The following NDUFA10 variants were observed in gnomAD, a reference collection of about 807,000 sequenced individuals.
NDUFA10 encodes NADH:ubiquinone oxidoreductase subunit A10, also known as NADH dehydrogenase [ubiquinone] 1 alpha subcomplex subunit 10, mitochondrial.
NDUFA10 carries 40 observed loss-of-function variants against 47.8 expected under a neutral mutation model. That is an observed-to-expected ratio of 0.84 (90% CI 0.65 to 1.09). The LOEUF (loss-of-function observed/expected upper bound fraction) is 1.09. NDUFA10 is among the 50% of genes least tolerant of loss of function. The pLI is 0.00. For missense variants in NDUFA10, 413 were observed against 451.1 expected, an observed-to-expected ratio of 0.92 and a Z score of 0.76; for synonymous variants, 183 against 172.2, an observed-to-expected ratio of 1.06 and a Z score of -0.49.
At chr2:239,955,122 T>C (rs865846141), downstream of NDUFA10, among the ~76,000 whole-genome samples, 3 of 152,256 alleles carry the variant, frequency 2.0e-5, no homozygotes, top group African/African-American at 4.8e-5. Context: ...AGGAGTTTAT[T>C]ATATTTATCC....
chr2:239,938,266 C>G (rs1331342741), intron 4 of NDUFA10, among the ~76,000 whole-genome samples: 1 of 152,216 alleles, frequency 6.6e-6, no homozygotes, highest in African/African-American at 2.4e-5. Flanking sequence ...GTGGCAATGG[C>G]AGTGCTCTGC....
chr2:239,927,408 T>C (rs1694082953), intron 4 of NDUFA10, among the ~76,000 whole-genome samples: 1 of 152,098 alleles, frequency 6.6e-6, no homozygotes, highest in Admixed American at 6.5e-5. Context: ...TAACGATAAA[T>C]TGAGTTTAGC....
intron 9 of NDUFA10, among the ~76,000 whole-genome samples, chr2:239,961,689 T>A (rs189547331): frequency 6.6e-6 from 1 of 152,022 alleles, no homozygotes; most frequent in Non-Finnish European, 1.5e-5. Context: ...AGTAGGAAAG[T>A]GAGTTTCATC....
chr2:239,944,752 G>C (rs540499730), intron 4 of NDUFA10, among the ~76,000 whole-genome samples: 4 of 152,274 alleles, frequency 2.6e-5, no homozygotes, highest in African/African-American at 7.2e-5. Context: ...TCGCTCGTTA[G>C]CCAGGGTTTC....
chr2:240,005,714 C>T (rs994139117), intron 7 of NDUFA10, among the ~76,000 whole-genome samples: 7 of 135,674 alleles, frequency 5.2e-5, no homozygotes, highest in African/African-American at 1.5e-4. Context: ...AGAATCACAC[C>T]GTAACAGTCA....
At chr2:240,011,591 G>T in intron 6 of NDUFA10, 26 bp downstream of exon 6, 1 of 1,582,856 alleles carries the variant, frequency 6.3e-7, no homozygotes, top group Non-Finnish European at 8.7e-7. Context: ...TTTTAGCCCT[G>T]TAAATCAGTC....
At chr2:239,925,374 A>G (rs1443614457) in intron 4 of NDUFA10, among the ~76,000 whole-genome samples, 2 of 152,210 alleles carry the variant, frequency 1.3e-5, no homozygotes, top group South Asian at 2.1e-4. Context: ...GATCCATACA[A>G]GTACTTCCAA....
At chr2:239,914,484 G>C (rs1171310216) in intron 4 of NDUFA10, among the ~76,000 whole-genome samples, 23 of 118,962 alleles carry the variant, frequency 1.9e-4, no homozygotes, top group African/African-American at 2.8e-4. Flanking sequence ...CACAAATATA[G>C]ACACACACAG....
At chr2:239,925,394 G>C (rs1486820490) in intron 4 of NDUFA10, among the ~76,000 whole-genome samples, 1 of 152,168 alleles carries the variant, frequency 6.6e-6, no homozygotes, top group East Asian at 1.9e-4. Context: ...ATTGATGTTT[G>C]ACAAAGGTGC....
intron 4 of NDUFA10, among the ~76,000 whole-genome samples, chr2:239,932,445 C>T (rs1199186662): frequency 6.6e-6 from 1 of 152,232 alleles, no homozygotes; most frequent in Non-Finnish European, 1.5e-5. Context: ...TTCCATGACA[C>T]GGCACCCCCG....
chr2:239,944,741 C>T (rs1182785170), intron 4 of NDUFA10, among the ~76,000 whole-genome samples: 39 of 152,202 alleles, frequency 2.6e-4, no homozygotes, highest in Admixed American at 2.6e-3. Flanking sequence ...AGGGCCTCTG[C>T]TCGCTCGTTA....
At chr2:240,002,901 G>C (rs991665697) in intron 8 of NDUFA10, among the ~76,000 whole-genome samples, 1 of 152,110 alleles carries the variant, frequency 6.6e-6, no homozygotes, top group Non-Finnish European at 1.5e-5. Context: ...CCAAGCTGGA[G>C]TACCGTGGCG....
intron 9 of NDUFA10, chr2:239,983,416 CATT>C (rs1451979744): frequency 1.2e-5 from 17 of 1,456,282 alleles, no homozygotes; most frequent in African/African-American, 1.4e-5. Flanking sequence ...CAGAAATGGT[CATT>C]ATTATTTATT....
intron 9 of NDUFA10, among the ~76,000 whole-genome samples, chr2:239,966,675 T>C (rs1695074240): frequency 6.6e-6 from 1 of 151,998 alleles, no homozygotes. Context: ...TTCCTGACCC[T>C]CACAGTTAAG....
At chr2:240,002,858 T>G (rs555432842) in intron 8 of NDUFA10, among the ~76,000 whole-genome samples, 2 of 152,178 alleles carry the variant, frequency 1.3e-5, no homozygotes, top group East Asian at 3.9e-4. Context: ...CAAACAGAAG[T>G]GAACTTCTTT....
intron 4 of NDUFA10, among the ~76,000 whole-genome samples, chr2:239,943,610 C>T (rs899556165): frequency 2.6e-5 from 4 of 152,136 alleles, no homozygotes; most frequent in African/African-American, 9.7e-5. Flanking sequence ...ACTGTGATTC[C>T]GCTTAATCCT....
intron 9 of NDUFA10, among the ~76,000 whole-genome samples, chr2:239,962,685 C>T (rs1039552437): frequency 1.2e-4 from 18 of 152,162 alleles, no homozygotes; most frequent in African/African-American, 3.9e-4. Context: ...CTAATTGGCT[C>T]ATGGTTCTGC....
chr2:239,951,261 C>T (rs915967457), intron 4 of NDUFA10, among the ~76,000 whole-genome samples: 65 of 152,296 alleles, frequency 4.3e-4, no homozygotes, highest in African/African-American at 1.4e-3. Context: ...GGAGGGGCCT[C>T]GGGAGGGCCA....
In NDUFA10 at chr2:239,968,242, G is replaced by A. The variant is rs1695162714; in HGVS notation, c.1000-7056C>T. On this transcript the variant is annotated intron_variant, in intron 9 of 9. Coordinates refer to ENST00000252711, the MANE Select transcript of NDUFA10 (RefSeq NM_004544.4). ...AGGCTTCAGGTGCAGACAGCATGCG[G>A]ATCAGCAGGGAAGAGGTGGCCATTC... 2.0e-5 allele frequency among the ~76,000 whole-genome samples: 3 copies of A among 152,360 alleles called. No homozygotes were observed. The South Asian group carries it at 6.2e-4, about 32-fold the overall frequency.
Sources: gnomAD v4.1 joint callset for allele counts (sites outside exome capture counted in the v4.1 genomes callset) on GRCh38, gnomAD v4.1.1 for gene constraint, MANE v1.5 for transcripts, NCBI Gene and HGNC (gene_info 2026-07-23, HGNC 2026-07-21) for gene names.